ASAH1: variants seen among roughly 807,000 people sequenced by gnomAD.
The protein encoded by ASAH1 is N-acylsphingosine amidohydrolase 1, also known as acid ceramidase.
ASAH1 carries 70 observed loss-of-function variants against 59.5 expected under a neutral mutation model. The observed-to-expected ratio is 1.18, with a 90% confidence interval of 0.97 to 1.43. The LOEUF (loss-of-function observed/expected upper bound fraction) is 1.43, where lower values mean the gene tolerates loss of function less well. ASAH1 is among the 40% of genes most tolerant of loss of function. The probability of loss-of-function intolerance (pLI) is 0.00; values close to 1 mark genes in which losing one functional copy is unlikely to be tolerated. For synonymous variants in ASAH1, 213 were observed against 166.5 expected (o/e 1.28, Z -2.15); for missense variants, 660 against 482.5 (o/e 1.37, Z -3.45).
intron 9 of ASAH1, 35 bp from the exon 10 acceptor site, chr8:18,061,493 G>A (rs1799697864): frequency 6.4e-7 from 1 of 1,565,870 alleles, no homozygotes; most frequent in Non-Finnish European, 8.8e-7. Context: ...GGAACCGGAA[G>A]AGGTGACACT....
At chr8:18,061,151 T>TAA in intron 10 of ASAH1, 1 of 409,436 alleles carries the variant, frequency 2.4e-6, no homozygotes, top group South Asian at 2.9e-5. Flanking sequence ...GTGCCTTTCA[T>TAA]AATGTCAGTA....
At chr8:18,075,759 C>A in intron 1 of ASAH1, 172 bp from the exon 2 acceptor site, 1 of 636,060 alleles carries the variant, frequency 1.6e-6, no homozygotes, top group Admixed American at 2.8e-5. Context: ...TTCTAAAATC[C>A]TAAACCATTA....
intron 10 of ASAH1, 161 bp downstream of exon 10, chr8:18,061,216 C>G (rs1008499606): frequency 1.6e-6 from 1 of 615,070 alleles, no homozygotes. Flanking sequence ...ACAGTCTGCA[C>G]GAAGAAAACA....
In ASAH1 at chr8:18,062,290, C is replaced by G. The variant is rs1190139418; in HGVS notation, c.637G>C (p.Gly213Arg). 1 of 1,614,216 alleles carries G rather than the reference C, an allele frequency of 6.2e-7. No individual in the cohort carries two copies. The highest frequency in any genetic ancestry group is 1.7e-5 in the Admixed American group (1 of 60,034). The change falls in exon 8 of 14, where the codon GGA (glycine) becomes CGA (arginine). Residue 213 changes from glycine (G) to arginine (R), a missense_variant. By Grantham distance (125) the Gly-to-Arg change is moderately radical. Transcript: ENST00000637790. ...SFAGYVGMLT[G>R]FKPGLFSLTL... ...AACAGACTCCTTACTGGTTTGAATC[C>G]TGTTAACATGCCCACATAGCCAGCA...
At position 18,057,570 on chromosome 8, in the gene ASAH1, G is replaced by A; in HGVS notation, c.1152C>T (p.Tyr384=). The A allele has an allele frequency of 3.1e-6, 5 of 1,604,480 alleles. No individual in the cohort carries two copies. The highest frequency in any genetic ancestry group is 1.1e-5 in the South Asian group (1 of 90,986). ...IDVTKGQFET[Y]LRDCPDPCIG... ...TACAAGGGTCAGGGCAGTCCCGCAGGTAAGTTTCGAATTGACCTTTGGTAA... is the reference window on the plus strand; with the variant it reads ...TACAAGGGTCAGGGCAGTCCCGCAGATAAGTTTCGAATTGACCTTTGGTAA... Residue 384 remains tyrosine, a synonymous_variant, in exon 14 of 14, where the codon TAC becomes TAT. Coordinates refer to ENST00000637790, the MANE Select transcript of ASAH1 (RefSeq NM_177924.5).
At chr8:18,084,375 C>G, upstream of ASAH1, 4 of 1,404,046 alleles carry the variant, frequency 2.8e-6, no homozygotes, top group South Asian at 4.5e-5. Flanking sequence ...CGAGCCGGAG[C>G]CCCGCCCCGT....
At chr8:18,059,069 C>G (rs563008570) in intron 12 of ASAH1, 178 bp from the exon 13 acceptor site, 12 of 661,694 alleles carry the variant, frequency 1.8e-5, no homozygotes, top group African/African-American at 1.6e-4. Context: ...TAATGGATTA[C>G]TTTCCTCTCT....
At chr8:18,069,660 T>C in intron 4 of ASAH1, 132 bp downstream of exon 4, 1 of 656,658 alleles carries the variant, frequency 1.5e-6, no homozygotes, top group South Asian at 1.8e-5. Flanking sequence ...CCCTCTGAAG[T>C]TCTGACAGTG....
At chr8:18,075,245 G>C (rs1031423905) in intron 2 of ASAH1, among the ~76,000 whole-genome samples, 1 of 152,026 alleles carries the variant, frequency 6.6e-6, no homozygotes. Context: ...TACCCGCCTC[G>C]GCCTCCCAAA....
intron 8 of ASAH1, chr8:18,061,950 G>C (rs536037575): frequency 3.1e-6 from 2 of 639,512 alleles, no homozygotes; most frequent in African/African-American, 3.7e-5. Flanking sequence ...CACTGGCAAC[G>C]CTTTTTGGAC....
chr8:18,061,738 T>G lies in ASAH1; in HGVS notation c.651A>C (p.Gly217=). The change falls in exon 9 of 14, where the codon GGA becomes GGC. Residue 217 remains glycine (G), a splice_region_variant and synonymous_variant. Coordinates refer to ENST00000637790, the MANE Select transcript of ASAH1 (RefSeq NM_177924.5). ...GTTCATTCAGTGTAAGACTGAACAGTCCCTGAGAAAAAGACAAAGCAACGA... is the reference window on the plus strand; with the variant it reads ...GTTCATTCAGTGTAAGACTGAACAGGCCCTGAGAAAAAGACAAAGCAACGA... ...YVGMLTGFKP[G]LFSLTLNERF... is the part of the protein sequence containing the mutation. 2 of 1,571,810 alleles carry G rather than the reference T, an allele frequency of 1.3e-6. No homozygotes were observed.
At position 18,075,788 on chromosome 8, in the gene ASAH1, AT is replaced by A; in HGVS notation, c.79-202del. The A allele has an allele frequency of 1.0e-5, 6 of 596,406 alleles. No individual in the cohort carries two copies. In the South Asian group the frequency reaches 1.2e-4, roughly 12 times the overall value. The allele number at this position is 596,406 out of a possible 1,614,324, so 36.9% of individuals were successfully genotyped here. A position where few individuals can be genotyped will look rare whatever the true frequency, so the allele number is the denominator to read the frequency against. On this transcript the variant is annotated intron_variant, in intron 1 of 13. Coordinates refer to ENST00000637790, the MANE Select transcript of ASAH1 (RefSeq NM_177924.5). Reference sequence around the variant, plus strand: ...ACCATTAAGTGGATTTTCAGTTTCAATTCAATTTGTAAAAGTGCTAGGTGTT... The same window carrying A: ...ACCATTAAGTGGATTTTCAGTTTCAATCAATTTGTAAAAGTGCTAGGTGTT...
chr8:18,073,587 G>T (rs983632431), intron 2 of ASAH1, among the ~76,000 whole-genome samples: 2 of 152,184 alleles, frequency 1.3e-5, no homozygotes. Flanking sequence ...ATGGACTCAG[G>T]GGTGATCTGG....
rs530850400 is a variant in ASAH1 at position 18,066,796 on chromosome 8, A to G, written c.382+424T>C. 1.0e-4 allele frequency: 20 copies of G among 199,350 alleles called. No individual in the cohort carries two copies. The South Asian group carries it at 3.5e-3, about 34-fold the overall frequency. 12.3% of individuals were successfully genotyped at this position (199,350 alleles called of 1,614,324 possible). On this transcript the variant is annotated intron_variant, in intron 5 of 13. Transcript: ENST00000637790. Reference sequence around the variant, plus strand: ...AATATTTATAATTCCTTTATTGTTAATATCACAAATCTGAAAACCACCCAA... The same window carrying G: ...AATATTTATAATTCCTTTATTGTTAGTATCACAAATCTGAAAACCACCCAA...
In ASAH1 at chr8:18,062,338, T is replaced by G; in HGVS notation, c.589A>C (p.Thr197Pro). 1 of 1,614,166 alleles carries G rather than the reference T, an allele frequency of 6.2e-7. No individual in the cohort carries two copies. The highest frequency in any genetic ancestry group is 8.5e-7 in the Non-Finnish European group (1 of 1,180,022). The change falls in exon 8 of 14, where the codon ACT becomes CCT. Residue 197 changes from threonine to proline, a missense_variant. By Grantham distance (38) the Thr-to-Pro change is conservative (BLOSUM62 -1). Coordinates refer to ENST00000637790, the MANE Select transcript of ASAH1 (RefSeq NM_177924.5). ...GCAAAGCTTGAAGCCTTGAAGACAGTTTTGTTGTTTCTTTGGAAATCCAAA... is the reference window on the plus strand; with the variant it reads ...GCAAAGCTTGAAGCCTTGAAGACAGGTTTGTTGTTTCTTTGGAAATCCAAA... ...VNLDFQRNNK[T>P]VFKASSFAGY...
At chr8:18,070,715 G>C (rs759883656) in intron 3 of ASAH1, among the ~76,000 whole-genome samples, 1 of 152,166 alleles carries the variant, frequency 6.6e-6, no homozygotes, top group Non-Finnish European at 1.5e-5. Flanking sequence ...AAAGAACAAA[G>C]GCTACAGAGG....
rs1799562935 is a variant in ASAH1, at chr8:18,058,600, T to C, written c.1098+235A>G. ...AGTAAAATGCTAGCCTTAATTCAAA[T>C]GCTATGTAAATAAAGCTATAAACAA... On this transcript the variant is annotated intron_variant, in intron 13 of 13. Coordinates refer to ENST00000637790, the MANE Select transcript of ASAH1 (RefSeq NM_177924.5). 3 of 541,172 alleles carry C rather than the reference T, an allele frequency of 5.5e-6. No individual in the cohort carries two copies. In the Admixed American group the frequency reaches 9.7e-5, roughly 18 times the overall value. 33.5% of individuals were successfully genotyped at this position (541,172 alleles called of 1,614,324 possible). A position where few individuals can be genotyped will look rare whatever the true frequency, so the allele number is the denominator to read the frequency against.
intron 1 of ASAH1, among the ~76,000 whole-genome samples, chr8:18,078,634 A>G (rs769889258): frequency 3.5e-4 from 53 of 152,210 alleles, no homozygotes; most frequent in Non-Finnish European, 6.9e-4. Context: ...TAGCCCTAAA[A>G]CAGAATTATA....
Position 18,059,575 on chromosome 8 carries a change from T to C in ASAH1, c.914A>G (p.Tyr305Cys), listed in dbSNP as rs1437253936. The change falls in exon 11 of 14, where the codon TAT becomes TGT. Residue 305 changes from tyrosine (Y) to cysteine (C), a missense_variant. Physicochemically the swap from Tyr to Cys is radical, Grantham distance 194. Transcript: ENST00000637790. Reference sequence around the variant, plus strand: ...TTGCTTTAACAAACCTACTTACTCATATACATCCAATGATTCCTTTCTGTC... The same window carrying C: ...TTGCTTTAACAAACCTACTTACTCACATACATCCAATGATTCCTTTCTGTC... ...TRDRKESLDV[Y>C]ELDAKQGRWY... 6.2e-7 allele frequency: 1 copy of C among 1,614,246 alleles called. No homozygotes were observed. The highest frequency in any genetic ancestry group is 1.7e-5 in the Admixed American group (1 of 60,030).
Sources: allele counts gnomAD v4.1 joint callset (sites outside exome capture counted in the v4.1 genomes callset), GRCh38; gene constraint gnomAD v4.1.1; transcripts MANE v1.5; gene names NCBI Gene and HGNC (gene_info 2026-07-23, HGNC 2026-07-21).